The following LARS2 variants were observed in gnomAD, a reference collection of about 807,000 sequenced individuals.
LARS2 encodes the protein leucyl-tRNA synthetase 2, mitochondrial.
In LARS2, 81 loss-of-function variants were observed where a neutral mutation model predicts 116.6. That is an observed-to-expected ratio of 0.69 (90% CI 0.58 to 0.84). LARS2 has a LOEUF of 0.84. Among genes scored for constraint, LARS2 ranks in the 40% least tolerant of loss-of-function variants. The pLI is 0.00. For missense variants in LARS2, 968 were observed against 1,114.5 expected (o/e 0.87, Z 1.87); for synonymous variants, 396 against 407.2 (o/e 0.97, Z 0.33).
rs1294138230 is a variant in LARS2 at position 45,444,452 on chromosome 3, A to G, written c.517-2439A>G. ...GCCGAGGTGGGCGGATCACGAGGTCAGGAGATCGAGACCATCCCGGCTAAA... is the reference window on the plus strand; with the variant it reads ...GCCGAGGTGGGCGGATCACGAGGTCGGGAGATCGAGACCATCCCGGCTAAA... On this transcript the variant is annotated intron_variant, in intron 6 of 21. Coordinates refer to ENST00000645846, the MANE Select transcript of LARS2 (RefSeq NM_015340.4). Among the ~76,000 whole-genome samples, 8 of 135,664 alleles carry G rather than the reference A, an allele frequency of 5.9e-5. 1 individual carries two copies. Among genetic ancestry groups the G allele is most frequent in the Admixed American group, 4.4e-4 (6 of 13,484 alleles). 89.0% of individuals were successfully genotyped at this position (135,664 alleles called of 152,430 possible). A position where few individuals can be genotyped will look rare whatever the true frequency, so the allele number is the denominator to read the frequency against.
chr3:45,429,485 T>C (rs1399834325), intron 6 of LARS2, among the ~76,000 whole-genome samples: 3 of 152,204 alleles, frequency 2.0e-5, no homozygotes, highest in Admixed American at 6.5e-5. Flanking sequence ...TTCCCTCTCA[T>C]GCTTCAGATC....
intron 4 of LARS2, among the ~76,000 whole-genome samples, chr3:45,404,955 A>G (rs540721157): frequency 6.6e-6 from 1 of 152,266 alleles, no homozygotes; most frequent in East Asian, 1.9e-4. Flanking sequence ...TCAATTCTCC[A>G]GTTCACATTT....
At chr3:45,462,424 AAAAAAAAAG>A (rs1419998566) in intron 8 of LARS2, among the ~76,000 whole-genome samples, 12 of 39,618 alleles carry the variant, frequency 3.0e-4, no homozygotes, top group Non-Finnish European at 1.3e-3. Flanking sequence ...TCTACCAAAA[AAAAAAAAAG>A]AAAGAAAGAA....
Position 45,458,825 on chromosome 3 carries a change from G to C in LARS2, c.689G>C (p.Gly230Ala). ...GAACATGGCTGTTCATGGCGTTCTG[G>C]AGCAAAGGTGGAACAGAAGTACCTC... The part of the protein sequence containing the change: ...VDEHGCSWRS[G>A]AKVEQKYLRQ... The change falls in exon 8 of 22, where the codon GGA (glycine) becomes GCA (alanine). Residue 230 changes from glycine (G) to alanine (A), a missense_variant. Gly to Ala is a moderately conservative substitution (Grantham distance 60). Coordinates refer to ENST00000645846, the MANE Select transcript of LARS2 (RefSeq NM_015340.4). 6.2e-7 allele frequency: 1 copy of C among 1,614,122 alleles called. No homozygotes were observed. The highest frequency in any genetic ancestry group is 8.5e-7 in the Non-Finnish European group (1 of 1,179,966).
chr3:45,401,156 A>G (rs1301525318), intron 4 of LARS2, among the ~76,000 whole-genome samples: 1 of 152,148 alleles, frequency 6.6e-6, no homozygotes, highest in Non-Finnish European at 1.5e-5. Context: ...TTTTTTAAGA[A>G]AAGATATTTG....
intron 14 of LARS2, among the ~76,000 whole-genome samples, chr3:45,499,930 CCTGA>C (rs1170028675): frequency 2.0e-5 from 3 of 151,964 alleles, no homozygotes; most frequent in South Asian, 2.1e-4. Flanking sequence ...TTAACACTTA[CCTGA>C]CTTTTTTCTT....
intron 20 of LARS2, among the ~76,000 whole-genome samples, chr3:45,533,525 T>G (rs1020191329): frequency 6.6e-6 from 1 of 152,246 alleles, no homozygotes; most frequent in South Asian, 2.1e-4. Context: ...CAATTTGTGA[T>G]AAACTCACCC....
In LARS2 at chr3:45,544,742, T is replaced by C. The variant is rs888122648; in HGVS notation, c.2533-2609T>C. ...ATGGTGACTGCTGCTAGCATCAGCG[T>C]TGCCACTTCTGGCAGTTGGAGAATC... is the stretch of plus-strand genomic sequence containing the variant. On this transcript the variant is annotated intron_variant, in intron 21 of 21. Coordinates refer to ENST00000645846, the MANE Select transcript of LARS2 (RefSeq NM_015340.4). 2.6e-5 allele frequency among the ~76,000 whole-genome samples: 4 copies of C among 152,324 alleles called. No homozygotes were observed. In the East Asian group the frequency reaches 7.7e-4, roughly 29 times the overall value.
chr3:45,411,574 C>T (rs193267396), intron 4 of LARS2, among the ~76,000 whole-genome samples: 1 of 152,254 alleles, frequency 6.6e-6, no homozygotes, highest in African/African-American at 2.4e-5. Context: ...TGACTGAACT[C>T]CCACAATGCA....
chr3:45,417,462 G>T lies in LARS2; in HGVS notation c.364-20G>T. 1 of 1,586,572 alleles carries T rather than the reference G, an allele frequency of 6.3e-7. No individual in the cohort carries two copies. Among genetic ancestry groups the T allele is most frequent in the Non-Finnish European group, 8.7e-7 (1 of 1,155,376 alleles). On this transcript the variant is annotated intron_variant, in intron 4 of 21. Transcript: ENST00000645846. Reference sequence around the variant, plus strand: ...TTATTAATGATTTGCCATGGTTGATGTTCCTCTTCTGGGTCCTAGGTCATC... The same window carrying T: ...TTATTAATGATTTGCCATGGTTGATTTTCCTCTTCTGGGTCCTAGGTCATC...
At chr3:45,415,433 G>A (rs1698396797) in intron 4 of LARS2, among the ~76,000 whole-genome samples, 1 of 152,184 alleles carries the variant, frequency 6.6e-6, no homozygotes, top group Non-Finnish European at 1.5e-5. Context: ...GTGATCCAAT[G>A]AGGTAGTTAT....
At chr3:45,483,215 G>A (rs1236386514) in intron 10 of LARS2, among the ~76,000 whole-genome samples, 1 of 152,170 alleles carries the variant, frequency 6.6e-6, no homozygotes, top group African/African-American at 2.4e-5. Context: ...TGCCGTATAT[G>A]CCTATACTGC....
chr3:45,418,911 G>A lies in LARS2; in HGVS notation c.456-758G>A, dbSNP rs28477090. Among the ~76,000 whole-genome samples, 376 of 152,350 alleles carry A rather than the reference G, an allele frequency of 2.5e-3. 2 individuals are homozygous for A. Among genetic ancestry groups the A allele is most frequent in the African/African-American group, 8.3e-3 (345 of 41,584 alleles). ...TATCTGTAAAAGAGGGATAGTCATA[G>A]TTCCTATCTCATGTGATTGGATAAA... On this transcript the variant is annotated intron_variant, in intron 5 of 21. Transcript: ENST00000645846.
At position 45,499,639 on chromosome 3, in the gene LARS2, T is replaced by A. The variant is rs183370518; in HGVS notation, c.1623-803T>A. ...CCAAACTTTAATAAAGAAAAAAAAA[T>A]GTTTTTTAATGTGAAAATAAATTAA... On this transcript the variant is annotated intron_variant, in intron 14 of 21. Transcript: ENST00000645846. 1.8e-3 allele frequency among the ~76,000 whole-genome samples: 277 copies of A among 151,646 alleles called. 3 individuals carry two copies. Among genetic ancestry groups the A allele is most frequent in the African/African-American group, 6.3e-3 (259 of 41,056 alleles).
intron 1 of LARS2, among the ~76,000 whole-genome samples, chr3:45,390,942 T>C (rs1216029911): frequency 6.6e-6 from 1 of 152,110 alleles, no homozygotes; most frequent in Admixed American, 6.5e-5. Flanking sequence ...ACCTGGCCCT[T>C]TGCCCATTTT....
chr3:45,396,897 A>G (rs911193978), intron 3 of LARS2, among the ~76,000 whole-genome samples: 1 of 152,240 alleles, frequency 6.6e-6, no homozygotes, highest in East Asian at 1.9e-4. Flanking sequence ...TTTGATTTAC[A>G]GTTAGCAAAC....
chr3:45,391,932 T>A (rs1271391706), intron 2 of LARS2, among the ~76,000 whole-genome samples: 1 of 152,230 alleles, frequency 6.6e-6, no homozygotes, highest in East Asian at 1.9e-4. Context: ...CTTTTGTTTC[T>A]ATTTGAGAGG....
chr3:45,539,636 A>G (rs1000954533), intron 20 of LARS2, among the ~76,000 whole-genome samples: 10 of 152,118 alleles, frequency 6.6e-5, no homozygotes, highest in Admixed American at 2.0e-4. Context: ...GTCTCAAAAA[A>G]AGAAACAAAG....
chr3:45,530,085 G>A (rs1700593290), intron 20 of LARS2, among the ~76,000 whole-genome samples: 2 of 152,116 alleles, frequency 1.3e-5, no homozygotes, highest in African/African-American at 4.8e-5. Context: ...CTTTACACTG[G>A]GCTTAGGTCG....
Sources: gnomAD v4.1 joint callset for allele counts (sites outside exome capture counted in the v4.1 genomes callset) on GRCh38, gnomAD v4.1.1 for gene constraint, MANE v1.5 for transcripts, NCBI Gene and HGNC (gene_info 2026-07-23, HGNC 2026-07-21) for gene names.